Variants in KCNIP1 observed in about 807,000 individuals in gnomAD.
The protein encoded by KCNIP1 is potassium voltage-gated channel interacting protein 1.
In KCNIP1, 18 loss-of-function variants were observed where a neutral mutation model predicts 33.0. That is an observed-to-expected ratio of 0.55 (90% CI 0.38 to 0.81). The LOEUF (loss-of-function observed/expected upper bound fraction) is 0.81, where lower values mean the gene tolerates loss of function less well. Among genes scored for constraint, KCNIP1 ranks in the 30% least tolerant of loss-of-function variants. The pLI, the probability that KCNIP1 is intolerant of heterozygous loss-of-function variation, is 0.00. For synonymous variants in KCNIP1, 93 were observed against 98.3 expected (o/e 0.95, Z 0.32); for missense variants, 238 against 271.6 (o/e 0.88, Z 0.87).
intron 1 of KCNIP1, among the ~76,000 whole-genome samples, chr5:170,451,131 T>C (rs1199130458): frequency 6.6e-6 from 1 of 152,210 alleles, no homozygotes; most frequent in African/African-American, 2.4e-5. Context: ...GACAAGGCTA[T>C]TCTGACTGTG....
chr5:170,549,545 A>G (rs1756532453), intron 1 of KCNIP1, among the ~76,000 whole-genome samples: 1 of 152,238 alleles, frequency 6.6e-6, no homozygotes, highest in Admixed American at 6.5e-5. Context: ...TAATTAAGGA[A>G]ATCTGGGATG....
At chr5:170,679,626 AGTGTGTGTGT>A (rs58712710) in intron 1 of KCNIP1, among the ~76,000 whole-genome samples, 6 of 144,500 alleles carry the variant, frequency 4.2e-5, no homozygotes, top group African/African-American at 1.0e-4. Flanking sequence ...TGTATATGAC[AGTGTGTGTGT>A]GTGTGTGTGT....
intron 1 of KCNIP1, among the ~76,000 whole-genome samples, chr5:170,447,288 A>G (rs1756144588): frequency 6.7e-6 from 1 of 150,104 alleles, no homozygotes; most frequent in Admixed American, 6.9e-5. Context: ...TGGGTCAAAT[A>G]ACAGGACCAC....
At chr5:170,636,737 G>A (rs1192039794) in intron 1 of KCNIP1, among the ~76,000 whole-genome samples, 3 of 152,104 alleles carry the variant, frequency 2.0e-5, no homozygotes, top group Non-Finnish European at 2.9e-5. Context: ...CTCAAGGTGG[G>A]GGTCAGAAAA....
chr5:170,386,072 G>A (rs1764457994), intron 1 of KCNIP1, among the ~76,000 whole-genome samples: 1 of 151,524 alleles, frequency 6.6e-6, no homozygotes, highest in African/African-American at 2.4e-5. Flanking sequence ...CTTGCAGTGA[G>A]CAGAGATGCG....
chr5:170,621,950 G>A lies in KCNIP1; in HGVS notation c.62-96808G>A, dbSNP rs115085259. On this transcript the variant is annotated intron_variant, in intron 1 of 7. Coordinates refer to ENST00000328939, the MANE Select transcript of KCNIP1 (RefSeq NM_014592.4). Reference sequence around the variant, plus strand: ...TCATAAGCCAGTATAGAGACGTGTGGAGTCTGCTGTCCTGAGTTCCAGTCC... The same window carrying A: ...TCATAAGCCAGTATAGAGACGTGTGAAGTCTGCTGTCCTGAGTTCCAGTCC... Among the ~76,000 whole-genome samples the A allele has an allele frequency of 6.1e-3, 929 of 152,294 alleles. 6 individuals are homozygous for A. Among genetic ancestry groups the A allele is most frequent in the Non-Finnish European group, 0.01 (684 of 68,028 alleles).
chr5:170,418,153 G>A (rs1363104688), intron 1 of KCNIP1, among the ~76,000 whole-genome samples: 4 of 152,112 alleles, frequency 2.6e-5, no homozygotes, highest in Non-Finnish European at 5.9e-5. Context: ...CTTCCCGGCT[G>A]GGCGCAGTGG....
chr5:170,707,158 CAAAAAAA>C (rs34331045), intron 1 of KCNIP1, among the ~76,000 whole-genome samples: 36 of 125,548 alleles, frequency 2.9e-4, no homozygotes, highest in Admixed American at 7.6e-4. Context: ...AGTAAATCAT[CAAAAAAA>C]AAAAAAAAAA....
chr5:170,443,099 G>A (rs1352822643), intron 1 of KCNIP1, among the ~76,000 whole-genome samples: 1 of 152,132 alleles, frequency 6.6e-6, no homozygotes, highest in East Asian at 1.9e-4. Flanking sequence ...GGTCAGAGAG[G>A]GTCTAAAGCA....
intron 1 of KCNIP1, among the ~76,000 whole-genome samples, chr5:170,400,768 C>T (rs1278214563): frequency 1.3e-5 from 2 of 152,194 alleles, no homozygotes; most frequent in East Asian, 3.8e-4. Context: ...AGAGCCGAAA[C>T]CCCCATTCCT....
At chr5:170,478,900 A>G (rs1352194671) in intron 1 of KCNIP1, among the ~76,000 whole-genome samples, 1 of 146,544 alleles carries the variant, frequency 6.8e-6, no homozygotes, top group East Asian at 1.9e-4. Flanking sequence ...TGGTTAATGA[A>G]AAGGAAGATA....
Position 170,593,013 on chromosome 5 carries a change from C to T in KCNIP1, c.61+88380C>T, listed in dbSNP as rs143094570. Among the ~76,000 whole-genome samples, 296 of 152,202 alleles carry T rather than the reference C, an allele frequency of 1.9e-3. 2 individuals carry two copies. Among genetic ancestry groups the T allele is most frequent in the African/African-American group, 6.7e-3 (280 of 41,526 alleles). On this transcript the variant is annotated intron_variant, in intron 1 of 7. Coordinates refer to ENST00000328939, the MANE Select transcript of KCNIP1 (RefSeq NM_014592.4). ...GTCAGCACAGACTATGGATATGCTT[C>T]TATATGTGTAGATTATTTCCAGACT...
At chr5:170,362,711 G>C (rs1368785474) in intron 1 of KCNIP1, among the ~76,000 whole-genome samples, 1 of 152,234 alleles carries the variant, frequency 6.6e-6, no homozygotes, top group East Asian at 1.9e-4. Context: ...GCAGGAATCA[G>C]GTAGGGAGGT....
At chr5:170,597,972 C>T (rs1034008313) in intron 1 of KCNIP1, among the ~76,000 whole-genome samples, 1 of 152,094 alleles carries the variant, frequency 6.6e-6, no homozygotes, top group Admixed American at 6.5e-5. Context: ...GAAAGGGCCC[C>T]AGCATCCACA....
rs529349950 is a variant in KCNIP1 at position 170,581,951 on chromosome 5, G to C, written c.61+77318G>C. On this transcript the variant is annotated intron_variant, in intron 1 of 7. Transcript: ENST00000328939. Reference sequence around the variant, plus strand: ...ACATGGCAAGAAAGGAAGCAAGGGAGAGGGGGAGATGCCAGGCTCTTTTAA... The same window carrying C: ...ACATGGCAAGAAAGGAAGCAAGGGACAGGGGGAGATGCCAGGCTCTTTTAA... Among the ~76,000 whole-genome samples the C allele has an allele frequency of 1.2e-4, 18 of 152,326 alleles. No individual in the cohort carries two copies. The South Asian group carries it at 3.5e-3, about 30-fold the overall frequency.
At chr5:170,523,372 T>C (rs937905855) in intron 1 of KCNIP1, among the ~76,000 whole-genome samples, 1 of 152,212 alleles carries the variant, frequency 6.6e-6, no homozygotes, top group Admixed American at 6.5e-5. Context: ...GGCATAATTA[T>C]TGCATGGATA....
At chr5:170,481,910 C>T (rs1756986110) in intron 1 of KCNIP1, among the ~76,000 whole-genome samples, 1 of 152,214 alleles carries the variant, frequency 6.6e-6, no homozygotes, top group African/African-American at 2.4e-5. Context: ...GAACTGAAAT[C>T]ATCCCTTCTT....
intron 1 of KCNIP1, among the ~76,000 whole-genome samples, chr5:170,388,702 G>A (rs1764587606): frequency 6.6e-6 from 1 of 152,140 alleles, no homozygotes; most frequent in African/African-American, 2.4e-5. Context: ...CGATTCTGAG[G>A]TCCTCAGACA....
chr5:170,364,225 C>T (rs1400654209), intron 1 of KCNIP1, among the ~76,000 whole-genome samples: 2 of 152,122 alleles, frequency 1.3e-5, no homozygotes, highest in African/African-American at 4.8e-5. Flanking sequence ...AACCTGGTCT[C>T]AAACTCCTAG....
Sources: allele counts gnomAD v4.1 joint callset (sites outside exome capture counted in the v4.1 genomes callset), GRCh38; gene constraint gnomAD v4.1.1; transcripts MANE v1.5; gene names NCBI Gene and HGNC (gene_info 2026-07-23, HGNC 2026-07-21).